Variants in GRM5 observed in about 807,000 individuals in gnomAD.
GRM5 encodes metabotropic glutamate receptor 5.
GRM5 carries 19 observed loss-of-function variants against 83.1 expected under a neutral mutation model. The ratio of observed to expected loss-of-function variants is 0.23; its 90% CI spans 0.16 to 0.34. GRM5 has a LOEUF of 0.34. GRM5 is among the 10% of genes least tolerant of loss of function. GRM5 has a pLI of 1.00. For synonymous variants in GRM5, 675 were observed against 633.6 expected (o/e 1.07, Z -0.98); for missense variants, 1,160 against 1,588.3 (o/e 0.73, Z 4.58).
At chr11:88,980,548 T>C (rs1939487351) in intron 2 of GRM5, among the ~76,000 whole-genome samples, 1 of 152,060 alleles carries the variant, frequency 6.6e-6, no homozygotes, top group African/African-American at 2.4e-5. Context: ...CCTGGCCGGG[T>C]GCGGTGGCTC....
At chr11:89,045,807 T>C (rs148380862) in intron 2 of GRM5, among the ~76,000 whole-genome samples, 2 of 152,304 alleles carry the variant, frequency 1.3e-5, no homozygotes, top group Non-Finnish European at 2.9e-5. Flanking sequence ...AATTGGCCTT[T>C]TCAAGCACAT....
intron 3 of GRM5, among the ~76,000 whole-genome samples, chr11:88,798,825 A>C (rs201747816): frequency 4.1e-4 from 60 of 145,298 alleles, no homozygotes; most frequent in Admixed American, 7.0e-4. Context: ...AAAAAAAAAA[A>C]AACAACAACA....
At position 88,505,610 on chromosome 11, in the gene GRM5, CAGAT is replaced by C. The variant is rs1453343479; in HGVS notation, c.*2978_*2981del. On this transcript the variant is annotated 3_prime_UTR_variant, in exon 10 of 10. Transcript: ENST00000305447. ...CCCAGAAAGACGGTTCTTCCCAATC[CAGAT>C]ATGTTCTTCTTAGGCTGCCCCCACT... The C allele has an allele frequency of 6.6e-6, 1 of 152,174 alleles. No homozygotes were observed. Among genetic ancestry groups the C allele is most frequent in the African/African-American group, 2.4e-5 (1 of 41,450 alleles). The allele number at this position is 152,174 out of a possible 1,614,324, so 9.4% of individuals were successfully genotyped here. A position where few individuals can be genotyped will look rare whatever the true frequency, so the allele number is the denominator to read the frequency against.
intron 8 of GRM5, among the ~76,000 whole-genome samples, chr11:88,542,851 C>T: frequency 6.6e-6 from 1 of 152,112 alleles, no homozygotes. Flanking sequence ...GGTGGATCAC[C>T]TGAGGTCAGG....
intron 4 of GRM5, among the ~76,000 whole-genome samples, chr11:88,652,618 T>G (rs929383416): frequency 1.3e-5 from 2 of 152,090 alleles, no homozygotes; most frequent in African/African-American, 2.4e-5. Context: ...ATCTTATAAG[T>G]ATTTGTTGAA....
At chr11:88,953,776 G>A (rs548650176) in intron 2 of GRM5, among the ~76,000 whole-genome samples, 1 of 152,228 alleles carries the variant, frequency 6.6e-6, no homozygotes, top group South Asian at 2.1e-4. Flanking sequence ...AATGGAGAAA[G>A]AAAAATTGTG....
intron 3 of GRM5, among the ~76,000 whole-genome samples, chr11:88,760,727 T>C (rs1319089183): frequency 6.6e-6 from 1 of 151,608 alleles, no homozygotes; most frequent in African/African-American, 2.4e-5. Context: ...ATCATCTTGA[T>C]ACCAAAATCT....
At chr11:88,839,002 C>A (rs1408321214) in intron 3 of GRM5, among the ~76,000 whole-genome samples, 1 of 152,010 alleles carries the variant, frequency 6.6e-6, no homozygotes, top group Non-Finnish European at 1.5e-5. Flanking sequence ...TATATCTGCC[C>A]CAACACATTT....
intron 3 of GRM5, among the ~76,000 whole-genome samples, chr11:88,695,554 T>C (rs1370988773): frequency 6.6e-6 from 1 of 152,206 alleles, no homozygotes; most frequent in Non-Finnish European, 1.5e-5. Context: ...TCTTTCCCAT[T>C]GCCAAAGAAA....
At chr11:88,556,201 T>G (rs148392926) in intron 8 of GRM5, among the ~76,000 whole-genome samples, 17 of 152,224 alleles carry the variant, frequency 1.1e-4, no homozygotes, top group African/African-American at 3.9e-4. Context: ...AGTAAAGTCA[T>G]GTAACCTACT....
chr11:88,788,626 TA>T (rs1458831314), intron 3 of GRM5, among the ~76,000 whole-genome samples: 1 of 152,164 alleles, frequency 6.6e-6, no homozygotes, highest in East Asian at 1.9e-4. Flanking sequence ...GATATATTAC[TA>T]AAAATATGTT....
chr11:88,721,780 AAT>A (rs1941545850), intron 3 of GRM5, among the ~76,000 whole-genome samples: 1 of 152,158 alleles, frequency 6.6e-6, no homozygotes, highest in African/African-American at 2.4e-5. Flanking sequence ...CTCCAAGGTG[AAT>A]ATAGATAAGA....
intron 2 of GRM5, among the ~76,000 whole-genome samples, chr11:88,877,752 C>T (rs898627638): frequency 6.6e-6 from 1 of 151,192 alleles, no homozygotes; most frequent in Non-Finnish European, 1.5e-5. Context: ...ATCACTTGAG[C>T]CCTGGAAGCA....
chr11:88,508,562 C>A lies in GRM5; in HGVS notation c.*30G>T, dbSNP rs776609495. ...TGAACACGGGGGGCTCCGCTCCGCA[C>A]GCGCAGGCCGGCGTGCTTTCCAGGG... On this transcript the variant is annotated 3_prime_UTR_variant, in exon 10 of 10. Transcript: ENST00000305447. This position sits in a 1 kb window ranked among gnomAD's most constrained non-coding sequence, Gnocchi z 4.2. 5 of 1,583,240 alleles carry A rather than the reference C, an allele frequency of 3.2e-6. No individual in the cohort carries two copies. Among genetic ancestry groups the A allele is most frequent in the Non-Finnish European group, 4.3e-6 (5 of 1,156,972 alleles).
At chr11:88,637,638 T>C (rs527960571) in intron 4 of GRM5, among the ~76,000 whole-genome samples, 3,753 of 145,224 alleles carry the variant, frequency 0.026, 143 homozygotes, top group African/African-American at 0.087. Flanking sequence ...TGGCAATCAT[T>C]AAAAAGTCAG....
chr11:88,829,689 C>T (rs987670029), intron 3 of GRM5, among the ~76,000 whole-genome samples: 3 of 151,994 alleles, frequency 2.0e-5, no homozygotes, highest in Non-Finnish European at 2.9e-5. Flanking sequence ...TCAAGGACCT[C>T]GCAATGCACC....
chr11:88,737,883 T>C (rs555516810), intron 3 of GRM5, among the ~76,000 whole-genome samples: 2 of 152,172 alleles, frequency 1.3e-5, no homozygotes, highest in South Asian at 2.1e-4. Flanking sequence ...TTTGGAAACT[T>C]TATGAGAGCA....
intron 2 of GRM5, among the ~76,000 whole-genome samples, chr11:88,853,427 C>G (rs1490373851): frequency 6.6e-6 from 1 of 151,678 alleles, no homozygotes; most frequent in Admixed American, 6.6e-5. Context: ...TCAAGATATA[C>G]AGAAAATAAA....
chr11:88,737,148 T>A (rs1237559625), intron 3 of GRM5, among the ~76,000 whole-genome samples: 1 of 152,074 alleles, frequency 6.6e-6, no homozygotes, highest in African/African-American at 2.4e-5. Context: ...TGAAAAGATT[T>A]CATGTCTTCA....
Sources: gnomAD v4.1 joint callset for allele counts (sites outside exome capture counted in the v4.1 genomes callset) on GRCh38, gnomAD v4.1.1 for gene constraint, Gnocchi (gnomAD v3.1) non-coding constraint, MANE v1.5 for transcripts, NCBI Gene and HGNC (gene_info 2026-07-23, HGNC 2026-07-21) for gene names.